Variants in AURKA observed in about 807,000 individuals in gnomAD.
AURKA encodes the protein aurora 2.
In AURKA, 12 loss-of-function variants were observed where a neutral mutation model predicts 40.9. The observed-to-expected ratio is 0.29, with a 90% CI of 0.19 to 0.48. AURKA has a LOEUF of 0.48. Among genes scored for constraint, AURKA ranks in the 20% least tolerant of loss-of-function variants. The probability of loss-of-function intolerance (pLI) is 0.99; values close to 1 mark genes in which losing one functional copy is unlikely to be tolerated. For synonymous variants in AURKA, 170 were observed against 164.3 expected (o/e 1.03, Z -0.26); for missense variants, 322 against 462.1 (o/e 0.70, Z 2.78).
chr20:56,370,912 G>A (rs1381962251), intron 7 of AURKA, among the ~76,000 whole-genome samples: 1 of 152,178 alleles, frequency 6.6e-6, no homozygotes, highest in Non-Finnish European at 1.5e-5. Flanking sequence ...TAGAATGTAA[G>A]AAACTGAATG....
intron 7 of AURKA, among the ~76,000 whole-genome samples, chr20:56,372,466 T>C (rs535081929): frequency 1.4e-4 from 21 of 149,090 alleles, no homozygotes; most frequent in African/African-American, 5.0e-4. Context: ...TGCGATTCCA[T>C]GAAGCCTGTA....
chr20:56,374,016 T>TACACACACACACACAC (rs11467339), intron 6 of AURKA, among the ~76,000 whole-genome samples: 30 of 147,612 alleles, frequency 2.0e-4, no homozygotes, highest in Middle Eastern at 3.5e-3. Flanking sequence ...TATAGGAGTC[T>TACACACACACACACAC]ACACACACAC....
chr20:56,386,237 A>T lies in AURKA; in HGVS notation c.319+20T>A. 6.2e-7 allele frequency: 1 copy of T among 1,614,150 alleles called. No homozygotes were observed. Among genetic ancestry groups the T allele is most frequent in the Non-Finnish European group, 8.5e-7 (1 of 1,179,946 alleles). ...GACGACAAAGAAGGACTATCCAATG[A>T]GTCTCAAAAGCTAGTTTACCAGGTG... On this transcript the variant is annotated intron_variant, in intron 3 of 8. Coordinates refer to ENST00000395915, the MANE Select transcript of AURKA (RefSeq NM_198437.3).
chr20:56,383,253 A>G, intron 4 of AURKA, 77 bp from the exon 5 acceptor site: 1 of 1,459,226 alleles, frequency 6.9e-7, no homozygotes, highest in South Asian at 1.1e-5. Flanking sequence ...TAGCAGACAC[A>G]TTCTACAAAT....
rs903910548 is a variant in AURKA at position 56,369,803 on chromosome 20, G to A, written c.*355C>T. The A allele has an allele frequency of 4.3e-5, 20 of 462,144 alleles. No homozygotes were observed. The highest frequency in any genetic ancestry group is 6.8e-5 in the Admixed American group (2 of 29,614). 28.6% of individuals were successfully genotyped at this position (462,144 alleles called of 1,614,324 possible). A position where few individuals can be genotyped will look rare whatever the true frequency, so the allele number is the denominator to read the frequency against. On this transcript the variant is annotated 3_prime_UTR_variant, in exon 9 of 9. Coordinates refer to ENST00000395915, the MANE Select transcript of AURKA (RefSeq NM_198437.3). ...TTATTGCACAGCTCCTTAACTGATC[G>A]GGGTCAGGGCAGAGTGGTCACTTTC... is the stretch of plus-strand genomic sequence containing the variant.
At chr20:56,382,830 A>C (rs1235138701) in intron 5 of AURKA, among the ~76,000 whole-genome samples, 155 bp downstream of exon 5, 4 of 151,856 alleles carry the variant, frequency 2.6e-5, no homozygotes, top group African/African-American at 9.7e-5. Flanking sequence ...TCTTTTTCAT[A>C]GGGGAGGGGG....
chr20:56,370,030 A>G lies in AURKA; in HGVS notation c.*128T>C. On this transcript the variant is annotated 3_prime_UTR_variant, in exon 9 of 9. Coordinates refer to ENST00000395915, the MANE Select transcript of AURKA (RefSeq NM_198437.3). ...GAGGTTAAGGCACACCTGCTGAGTAAAACAAATATTTCTTGTGTAGCGTTC... is the reference window on the plus strand; with the variant it reads ...GAGGTTAAGGCACACCTGCTGAGTAGAACAAATATTTCTTGTGTAGCGTTC... The G allele has an allele frequency of 2.4e-6, 3 of 1,240,760 alleles. No homozygotes were observed. The highest frequency in any genetic ancestry group is 3.5e-6 in the Non-Finnish European group (3 of 850,252). 76.9% of individuals were successfully genotyped at this position (1,240,760 alleles called of 1,614,324 possible).
chr20:56,387,545 G>T (rs560480452), intron 2 of AURKA, among the ~76,000 whole-genome samples: 8 of 152,274 alleles, frequency 5.3e-5, no homozygotes, highest in African/African-American at 1.9e-4. Context: ...AACTAAAAGG[G>T]GTAGGAGGGA....
intron 6 of AURKA, among the ~76,000 whole-genome samples, chr20:56,378,687 A>G (rs1313698669): frequency 6.6e-6 from 1 of 152,248 alleles, no homozygotes. Flanking sequence ...ATAATGGAAT[A>G]TGATTTTGTG....
At chr20:56,374,049 ACAT>A (rs1317694818) in intron 6 of AURKA, among the ~76,000 whole-genome samples, 3 of 151,986 alleles carry the variant, frequency 2.0e-5, no homozygotes, top group Admixed American at 6.6e-5. Flanking sequence ...ACACACACAC[ACAT>A]CAACTGAACC....
intron 3 of AURKA, among the ~76,000 whole-genome samples, chr20:56,385,292 G>A (rs974726192): frequency 6.6e-6 from 1 of 152,122 alleles, no homozygotes; most frequent in African/African-American, 2.4e-5. Flanking sequence ...GATGAAGCAC[G>A]CACTTATCTC....
At chr20:56,370,968 C>A (rs576672144) in intron 7 of AURKA, among the ~76,000 whole-genome samples, 1 of 152,128 alleles carries the variant, frequency 6.6e-6, no homozygotes, top group African/African-American at 2.4e-5. Flanking sequence ...TCTGTAAATA[C>A]GATTTGGATT....
Position 56,369,534 on chromosome 20 carries a change from T to C in AURKA, c.*624A>G. On this transcript the variant is annotated 3_prime_UTR_variant, in exon 9 of 9. Coordinates refer to ENST00000395915, the MANE Select transcript of AURKA (RefSeq NM_198437.3). ...AATCCCTAAATGGAGGTAGAGCACG[T>C]GTTCCTATTTTTCACACTCTCATAT... 1 of 242,756 alleles carries C rather than the reference T, an allele frequency of 4.1e-6. No individual in the cohort carries two copies. The highest frequency in any genetic ancestry group is 8.1e-6 in the Non-Finnish European group (1 of 122,762). 15.0% of individuals were successfully genotyped at this position (242,756 alleles called of 1,614,324 possible). A position where few individuals can be genotyped will look rare whatever the true frequency, so the allele number is the denominator to read the frequency against.
In AURKA at chr20:56,370,267, G is replaced by A. The variant is rs1345363855; in HGVS notation, c.1103C>T (p.Pro368Leu). ...TTCTCTGAGCATTGGCCTCTGGCTG[G>A]GATTATGCTTCAACAGTCTTGAAAT... ...DLISRLLKHN[P>L]SQRPMLREVL... The change falls in exon 9 of 9, where the codon CCC (proline) becomes CTC (leucine). Residue 368 changes from proline to leucine, a missense_variant. Pro to Leu is a moderately conservative substitution (Grantham distance 98). Coordinates refer to ENST00000395915, the MANE Select transcript of AURKA (RefSeq NM_198437.3). 24 of 1,614,022 alleles carry A rather than the reference G, an allele frequency of 1.5e-5. No homozygotes were observed. The highest frequency in any genetic ancestry group is 2.0e-5 in the Non-Finnish European group (24 of 1,180,054).
intron 1 of AURKA, 25 bp from the exon 2 acceptor site, chr20:56,388,227 A>C (rs1045501534): frequency 4.7e-6 from 5 of 1,059,270 alleles, no homozygotes; most frequent in African/African-American, 7.6e-5. Flanking sequence ...AAGAACCTTT[A>C]ATTTGAACAA....
At chr20:56,382,829 T>C (rs1190394586) in intron 5 of AURKA, among the ~76,000 whole-genome samples, 156 bp downstream of exon 5, 4 of 151,596 alleles carry the variant, frequency 2.6e-5, no homozygotes, top group South Asian at 2.1e-4. Context: ...ATCTTTTTCA[T>C]AGGGGAGGGG....
Position 56,386,487 on chromosome 20 carries a change from T to A in AURKA, c.89A>T (p.Gln30Leu). 6.2e-7 allele frequency: 1 copy of A among 1,614,228 alleles called. No individual in the cohort carries two copies. The change falls in exon 3 of 9, where the codon CAA becomes CTA. Residue 30 changes from glutamine (Q) to leucine (L), a missense_variant. Physicochemically the swap from Gln to Leu is moderately radical, Grantham distance 113 (BLOSUM62 -2). Transcript: ENST00000395915. ...AGGTAATGGATTCTGACAAGGAAAT[T>A]GCTGAGTCACGAGAACACGTTTTGG... ...GGPKRVLVTQ[Q>L]FPCQNPLPVN...
intron 2 of AURKA, 78 bp from the exon 3 acceptor site, chr20:56,386,611 G>T: frequency 6.5e-7 from 1 of 1,534,714 alleles, no homozygotes; most frequent in East Asian, 2.3e-5. Context: ...CACAAAGTTT[G>T]TTCTCTAGTA....
At chr20:56,377,335 G>A (rs1985061854) in intron 6 of AURKA, among the ~76,000 whole-genome samples, 1 of 151,990 alleles carries the variant, frequency 6.6e-6, no homozygotes, top group Non-Finnish European at 1.5e-5. Flanking sequence ...AAAAATACAA[G>A]GCACGGATTG....
Sources: gnomAD v4.1 joint callset for allele counts (sites outside exome capture counted in the v4.1 genomes callset) on GRCh38, gnomAD v4.1.1 for gene constraint, MANE v1.5 for transcripts, NCBI Gene and HGNC (gene_info 2026-07-23, HGNC 2026-07-21) for gene names.